ZNF655: variants seen among roughly 807,000 people sequenced by gnomAD.
ZNF655 encodes Vav-interacting Kruppel-like protein 1.
ZNF655 carries 3 observed loss-of-function variants against 6.6 expected under a neutral mutation model. The observed-to-expected ratio is 0.46, with a 90% CI of 0.21 to 1.18. The LOEUF (loss-of-function observed/expected upper bound fraction) is 1.18. Ranked by LOEUF, ZNF655 falls within the 50% of genes most tolerant of loss-of-function variation. ZNF655 has a pLI of 0.24. For synonymous variants in ZNF655, 178 were observed against 195.0 expected (o/e 0.91, Z 0.73); for missense variants, 526 against 572.3 (o/e 0.92, Z 0.83).
rs1338423856 is a variant in ZNF655, at chr7:99,572,175, A to G, written c.137-70A>G. 2.9e-5 allele frequency: 42 copies of G among 1,467,048 alleles called. No homozygotes were observed. In the East Asian group the frequency reaches 3.9e-4, roughly 14 times the overall value. 90.9% of individuals were successfully genotyped at this position (1,467,048 alleles called of 1,614,324 possible). ...AGATACTACATTGTTTAGTTTTCTC[A>G]TCTGAGTTTTCTTTTCCTAAGCACA... On this transcript the variant is annotated intron_variant, in intron 2 of 2. Transcript: ENST00000252713.
In ZNF655 at chr7:99,576,132, C is replaced by T. The variant is rs73713520; in HGVS notation, c.*2548C>T. ...CACTCTATAATCCTCCTATGGCTAA[C>T]CTCTAGGATAGTTCTGCCACTATAT... On this transcript the variant is annotated 3_prime_UTR_variant, in exon 3 of 3. Coordinates refer to ENST00000252713, the MANE Select transcript of ZNF655 (RefSeq NM_138494.3). 714 of 152,436 alleles carry T rather than the reference C, an allele frequency of 4.7e-3. 7 individuals are homozygous for T. The highest frequency in any genetic ancestry group is 0.016 in the African/African-American group (659 of 41,558). The allele number at this position is 152,436 out of a possible 1,614,324, so 9.4% of individuals were successfully genotyped here.
At chr7:99,565,586 A>G (rs1258858323) in intron 2 of ZNF655, among the ~76,000 whole-genome samples, 1 of 152,146 alleles carries the variant, frequency 6.6e-6, no homozygotes, top group East Asian at 1.9e-4. Flanking sequence ...GTAATAAGTA[A>G]TTTTCGTTAC....
chr7:99,563,313 TA>T (rs1803354935), intron 2 of ZNF655: 1 of 208,512 alleles, frequency 4.8e-6, no homozygotes, highest in South Asian at 7.3e-5. Flanking sequence ...TATTATATTA[TA>T]TTTTTTATTT....
chr7:99,568,824 A>G (rs576042158), intron 2 of ZNF655, among the ~76,000 whole-genome samples: 4 of 150,502 alleles, frequency 2.7e-5, no homozygotes, highest in African/African-American at 9.8e-5. Context: ...TCTCACTCTC[A>G]CCCAGGCTGG....
Position 99,572,692 on chromosome 7 carries a change from A to T in ZNF655, c.584A>T (p.Asp195Val). Residue 195 changes from aspartate to valine, a missense_variant, in exon 3 of 3, where the codon GAT (aspartate) becomes GTT (valine). Asp to Val is a radical substitution (Grantham distance 152). Coordinates refer to ENST00000252713, the MANE Select transcript of ZNF655 (RefSeq NM_138494.3). ...AGTGAATGTAAGGAAAGCTTAATGG[A>T]TCTCTCCCACCTTAATAAATGGGAG... ...QSSECKESLMDLSHLNKWESI... is the reference protein window; with the variant it reads ...QSSECKESLMVLSHLNKWESI... The T allele has an allele frequency of 6.2e-7, 1 of 1,613,590 alleles. No individual in the cohort carries two copies. The highest frequency in any genetic ancestry group is 8.5e-7 in the Non-Finnish European group (1 of 1,179,948).
At chr7:99,569,950 T>G (rs896162644) in intron 2 of ZNF655, among the ~76,000 whole-genome samples, 2 of 152,170 alleles carry the variant, frequency 1.3e-5, no homozygotes, top group African/African-American at 4.8e-5. Context: ...TTTTATCCCT[T>G]GTCCCTTCTC....
chr7:99,572,577 G>A lies in ZNF655; in HGVS notation c.469G>A (p.Asp157Asn), dbSNP rs772853935. The A allele has an allele frequency of 1.5e-5, 24 of 1,613,672 alleles. No individual in the cohort carries two copies. Among genetic ancestry groups the A allele is most frequent in the East Asian group, 4.5e-5 (2 of 44,874 alleles). Residue 157 changes from aspartate (D) to asparagine (N), a missense_variant, in exon 3 of 3, where the codon GAT (aspartate) becomes AAT (asparagine). By Grantham distance (23) the Asp-to-Asn change is conservative. Transcript: ENST00000252713. ...GAGAGTTCTTAGAATACAGAATACCGATGACAATGATAAGTATGACATGAG... is the reference window on the plus strand; with the variant it reads ...GAGAGTTCTTAGAATACAGAATACCAATGACAATGATAAGTATGACATGAG... ...DQRVLRIQNT[D>N]DNDKYDMSFN...
In ZNF655 at chr7:99,572,460, A is replaced by G; in HGVS notation, c.352A>G (p.Ile118Val). The change falls in exon 3 of 3, where the codon ATC becomes GTC. Residue 118 changes from isoleucine (I) to valine (V), a missense_variant. Ile to Val is a conservative substitution (Grantham distance 29). Coordinates refer to ENST00000252713, the MANE Select transcript of ZNF655 (RefSeq NM_138494.3). ...GGAGAGAGAGTTTAGGCAAATAACA[A>G]TCAGCAAGGAAACCTTCACCAGTGA... ...YLEREFRQIT[I>V]SKETFTSEKN... 5 of 1,613,890 alleles carry G rather than the reference A, an allele frequency of 3.1e-6. No homozygotes were observed. The highest frequency in any genetic ancestry group is 1.1e-5 in the South Asian group (1 of 91,030).
Position 99,573,421 on chromosome 7 carries a change from G to T in ZNF655, c.1313G>T (p.Cys438Phe). Residue 438 changes from cysteine (C) to phenylalanine (F), a missense_variant, in exon 3 of 3, where the codon TGT becomes TTT. Cys to Phe is a radical substitution (Grantham distance 205, BLOSUM62 -2). Transcript: ENST00000252713. ...KMHRKEKSYE[C>F]NEYEGSFSHS... ...CATAGGAAAGAGAAATCGTATGAAT[G>T]TAATGAGTATGAGGGCAGTTTCAGT... 1 of 1,614,124 alleles carries T rather than the reference G, an allele frequency of 6.2e-7. No individual in the cohort carries two copies. Among genetic ancestry groups the T allele is most frequent in the Non-Finnish European group, 8.5e-7 (1 of 1,180,004 alleles).
At position 99,560,672 on chromosome 7, in the gene ZNF655, A is replaced by G; in HGVS notation, c.113A>G (p.Asp38Gly). The G allele has an allele frequency of 6.2e-7, 1 of 1,614,096 alleles. No homozygotes were observed. Among genetic ancestry groups the G allele is most frequent in the Non-Finnish European group, 8.5e-7 (1 of 1,179,988 alleles). The change falls in exon 2 of 3, where the codon GAC becomes GGC. Residue 38 changes from aspartate to glycine, a missense_variant. Transcript: ENST00000252713. ...GAGCCTCAGTTTGTGCAGGACACCGACATGGAACAGGGACTCACTGGGGGT... is the reference window on the plus strand; with the variant it reads ...GAGCCTCAGTTTGTGCAGGACACCGGCATGGAACAGGGACTCACTGGGGGT... ...SPEPQFVQDT[D>G]MEQGLTGDGE... is the part of the protein sequence containing the mutation.
rs777167271 is a variant in ZNF655, at chr7:99,572,442, G to C, written c.334G>C (p.Glu112Gln). ...AAGGAAATTTCTGTACCTGGAGAGAGAGTTTAGGCAAATAACAATCAGCAA... is the reference window on the plus strand; with the variant it reads ...AAGGAAATTTCTGTACCTGGAGAGACAGTTTAGGCAAATAACAATCAGCAA... ...ILRKFLYLER[E>Q]FRQITISKET... The change falls in exon 3 of 3, where the codon GAG becomes CAG. Residue 112 changes from glutamate (E) to glutamine (Q), a missense_variant. Physicochemically the swap from Glu to Gln is conservative, Grantham distance 29 (BLOSUM62 2). Transcript: ENST00000252713. The C allele has an allele frequency of 9.3e-6, 15 of 1,613,814 alleles. 1 individual carries two copies. The South Asian group carries it at 1.5e-4, about 17-fold the overall frequency.
At chr7:99,562,366 A>T (rs1431775619) in intron 2 of ZNF655, 2 of 1,613,846 alleles carry the variant, frequency 1.2e-6, no homozygotes, top group East Asian at 2.2e-5. Context: ...GTGTTATTTC[A>T]GGAGTTTGTG....
intron 1 of ZNF655, among the ~76,000 whole-genome samples, chr7:99,559,519 G>T (rs542302829): frequency 6.6e-6 from 1 of 152,254 alleles, no homozygotes; most frequent in South Asian, 2.1e-4. Context: ...GCAACATAGC[G>T]AGACTCCCAT....
At chr7:99,568,736 G>C (rs955978238) in intron 2 of ZNF655, among the ~76,000 whole-genome samples, 5 of 152,212 alleles carry the variant, frequency 3.3e-5, no homozygotes, top group African/African-American at 1.2e-4. Context: ...GGGATTACAC[G>C]TGTGAGCCAC....
intron 2 of ZNF655, among the ~76,000 whole-genome samples, chr7:99,565,355 G>C (rs996587799): frequency 7.2e-5 from 11 of 152,062 alleles, no homozygotes; most frequent in Non-Finnish European, 1.5e-5. Context: ...ATTTTTAGTA[G>C]AGATGGGGTT....
At position 99,572,868 on chromosome 7, in the gene ZNF655, A is replaced by G. The variant is rs538145078; in HGVS notation, c.760A>G (p.Ser254Gly). 2 of 1,614,168 alleles carry G rather than the reference A, an allele frequency of 1.2e-6. No homozygotes were observed. The highest frequency in any genetic ancestry group is 3.3e-5 in the Admixed American group (2 of 60,024). Residue 254 changes from serine (S) to glycine (G), a missense_variant, in exon 3 of 3, where the codon AGT (serine) becomes GGT (glycine). Coordinates refer to ENST00000252713, the MANE Select transcript of ZNF655 (RefSeq NM_138494.3). Reference sequence around the variant, plus strand: ...TGAAAAGTCTTTCAGTCAGAGCTCAAGTCTTAGTCGACATAAAAGAATACA... The same window carrying G: ...TGAAAAGTCTTTCAGTCAGAGCTCAGGTCTTAGTCGACATAAAAGAATACA... ...ECEKSFSQSS[S>G]LSRHKRIHTR...
At chr7:99,570,359 C>G (rs1383021119) in intron 2 of ZNF655, 1 of 152,184 alleles carries the variant, frequency 6.6e-6, no homozygotes, top group African/African-American at 2.4e-5. Flanking sequence ...AGAGTTGACT[C>G]TAAATGTCCC....
rs1006932383 is a variant in ZNF655 at position 99,575,554 on chromosome 7, CAAAAA to C, written c.*1971_*1975del. 1.4e-5 allele frequency: 2 copies of C among 146,950 alleles called. No homozygotes were observed. Among genetic ancestry groups the C allele is most frequent in the Non-Finnish European group, 3.0e-5 (2 of 67,420 alleles). 9.1% of individuals were successfully genotyped at this position (146,950 alleles called of 1,614,324 possible). On this transcript the variant is annotated 3_prime_UTR_variant, in exon 3 of 3. Coordinates refer to ENST00000252713, the MANE Select transcript of ZNF655 (RefSeq NM_138494.3). ...TCTCTCTCAAAAAAACACAAAAAAA[CAAAAA>C]CAAAAAACCATACACACACACACAC...
At chr7:99,564,643 CAT>C (rs1803483215) in intron 2 of ZNF655, 2 of 984,038 alleles carry the variant, frequency 2.0e-6, no homozygotes, top group African/African-American at 1.7e-5. Flanking sequence ...TGTAAAGTGA[CAT>C]ACATATAATT....
Sources: gnomAD v4.1 joint callset for allele counts (sites outside exome capture counted in the v4.1 genomes callset) on GRCh38, gnomAD v4.1.1 for gene constraint, MANE v1.5 for transcripts, NCBI Gene and HGNC (gene_info 2026-07-23, HGNC 2026-07-21) for gene names.